The following SORL1 variants were observed in gnomAD, a reference collection of about 807,000 sequenced individuals.
The protein encoded by SORL1 is sortilin-related receptor.
SORL1 carries 127 observed loss-of-function variants against 273.7 expected under a neutral mutation model. The ratio of observed to expected loss-of-function variants is 0.46; its 90% CI spans 0.40 to 0.54. SORL1 has a LOEUF of 0.54. Among genes scored for constraint, SORL1 ranks in the 20% least tolerant of loss-of-function variants. SORL1 has a pLI of 0.00. For synonymous variants in SORL1, 1,031 were observed against 1,067.4 expected, an observed-to-expected ratio of 0.97 and a Z score of 0.66; for missense variants, 2,494 against 2,846.1, an observed-to-expected ratio of 0.88 and a Z score of 2.81.
chr11:121,578,772 C>A (rs1862972495), intron 25 of SORL1, among the ~76,000 whole-genome samples: 1 of 152,216 alleles, frequency 6.6e-6, no homozygotes, highest in Non-Finnish European at 1.5e-5. Flanking sequence ...GTTACCAAAT[C>A]CTGTTCGCTT....
intron 14 of SORL1, 116 bp downstream of exon 14, chr11:121,545,545 C>A: frequency 2.1e-6 from 2 of 933,506 alleles, no homozygotes; most frequent in Non-Finnish European, 3.2e-6. Flanking sequence ...TAGAAGGAAA[C>A]AAGTATTTGT....
chr11:121,618,291 T>C (rs1341256852), intron 41 of SORL1, among the ~76,000 whole-genome samples: 1 of 152,192 alleles, frequency 6.6e-6, no homozygotes, highest in African/African-American at 2.4e-5. Flanking sequence ...GTGTCTGCTC[T>C]CCTTCCCTCC....
intron 6 of SORL1, among the ~76,000 whole-genome samples, chr11:121,503,766 A>C (rs1301074995): frequency 6.6e-6 from 1 of 152,188 alleles, no homozygotes. Context: ...TGCCAGCATC[A>C]CACTGTCTTG....
Position 121,452,557 on chromosome 11 carries a change from C to T in SORL1, c.226C>T (p.Pro76Ser). 1 of 1,510,110 alleles carries T rather than the reference C, an allele frequency of 6.6e-7. No homozygotes were observed. Among genetic ancestry groups the T allele is most frequent in the Non-Finnish European group, 8.8e-7 (1 of 1,136,164 alleles). 93.5% of individuals were successfully genotyped at this position (1,510,110 alleles called of 1,614,324 possible). A position where few individuals can be genotyped will look rare whatever the true frequency, so the allele number is the denominator to read the frequency against. Residue 76 changes from proline to serine, a missense_variant, in exon 1 of 48, where the codon CCG (proline) becomes TCG (serine). By Grantham distance (74) the Pro-to-Ser change is moderately conservative. This residue lies in a region of SORL1 where 175 missense variants were observed against 147.1 expected (regional missense o/e 1.19). Coordinates refer to ENST00000260197, the MANE Select transcript of SORL1 (RefSeq NM_003105.6). The surrounding 1 kb of genome is among the most constrained non-coding windows in gnomAD (Gnocchi z 5.3). Reference protein sequence around the residue: ...ARGASRADEKPLRRKRSAALQ... With the variant: ...ARGASRADEKSLRRKRSAALQ... ...GGGGGCGAGCCGCGCGGACGAGAAGCCGCTCCGGAGGAAACGGAGCGCTGC... is the reference window on the plus strand; with the variant it reads ...GGGGGCGAGCCGCGCGGACGAGAAGTCGCTCCGGAGGAAACGGAGCGCTGC...
chr11:121,610,972 C>T (rs1591352650), intron 38 of SORL1, 104 bp from the exon 39 acceptor site: 1 of 758,210 alleles, frequency 1.3e-6, no homozygotes, highest in African/African-American at 1.7e-5. Context: ...CCTTTCTTCC[C>T]CGACTGAAAG....
chr11:121,478,364 C>G (rs929629001), intron 3 of SORL1, 121 bp downstream of exon 3: 10 of 1,186,796 alleles, frequency 8.4e-6, no homozygotes, highest in Admixed American at 2.7e-5. Flanking sequence ...TGACTGGTGG[C>G]TAGTGAGTTT....
chr11:121,580,289 T>C (rs1862994486), intron 25 of SORL1, among the ~76,000 whole-genome samples: 1 of 152,196 alleles, frequency 6.6e-6, no homozygotes, highest in Non-Finnish European at 1.5e-5. Flanking sequence ...CCTCATTCTG[T>C]TGTTCTCTTC....
chr11:121,497,108 T>G (rs994490933), intron 6 of SORL1, 59 bp downstream of exon 6: 1 of 1,468,488 alleles, frequency 6.8e-7, no homozygotes, highest in Admixed American at 1.7e-5. Flanking sequence ...AAGTTTGGCA[T>G]TCTGTGATTA....
rs530327191 is a variant in SORL1 at position 121,616,273 on chromosome 11, C to T, written c.5604+1218C>T. The stretch of plus-strand genomic sequence containing the variant: ...GGAGGCTTCCTGCACCTCATCTCAG[C>T]TCATGCACTGGTCACACTAAAGGTG... On this transcript the variant is annotated intron_variant, in intron 41 of 47. Coordinates refer to ENST00000260197, the MANE Select transcript of SORL1 (RefSeq NM_003105.6). 3.9e-5 allele frequency among the ~76,000 whole-genome samples: 6 copies of T among 152,316 alleles called. No individual in the cohort carries two copies. The East Asian group carries it at 1.2e-3, about 29-fold the overall frequency.
At chr11:121,484,641 T>C (rs1205261638) in intron 3 of SORL1, among the ~76,000 whole-genome samples, 2 of 152,040 alleles carry the variant, frequency 1.3e-5, no homozygotes, top group Non-Finnish European at 1.5e-5. Flanking sequence ...ACTCAAGTTT[T>C]GCGTATAGTA....
chr11:121,585,443 G>A (rs768021050), intron 26 of SORL1, among the ~76,000 whole-genome samples: 9 of 150,550 alleles, frequency 6.0e-5, no homozygotes, highest in Non-Finnish European at 8.8e-5. Flanking sequence ...TGATCACGCC[G>A]CTGCACTCCA....
At chr11:121,519,412 CT>C (rs537633898) in intron 8 of SORL1, among the ~76,000 whole-genome samples, 182 of 141,998 alleles carry the variant, frequency 1.3e-3, no homozygotes, top group Admixed American at 1.5e-3. Flanking sequence ...TTCTCTCTCT[CT>C]TTTTTTTTTT....
chr11:121,567,246 C>G, intron 22 of SORL1, 133 bp downstream of exon 22: 2 of 767,590 alleles, frequency 2.6e-6, no homozygotes, highest in Non-Finnish European at 4.1e-6. Flanking sequence ...AAAAATCAAA[C>G]CTACCAGATA....
intron 28 of SORL1, 70 bp downstream of exon 28, chr11:121,588,221 G>T: frequency 6.4e-7 from 1 of 1,571,990 alleles, no homozygotes; most frequent in South Asian, 1.1e-5. Context: ...TGGCCACCCT[G>T]GGGTTGTGTC....
chr11:121,625,338 A>G, intron 46 of SORL1, 61 bp downstream of exon 46: 1 of 1,316,918 alleles, frequency 7.6e-7, no homozygotes, highest in Non-Finnish European at 1.1e-6. Context: ...AGAATGTCAT[A>G]TGGTTTCATG....
At chr11:121,604,076 G>T (rs1418768230) in intron 32 of SORL1, 117 bp from the exon 33 acceptor site, 24 of 1,247,364 alleles carry the variant, frequency 1.9e-5, no homozygotes, top group African/African-American at 3.0e-5. Context: ...CATTCCAGAG[G>T]TGTGTTTTGA....
intron 27 of SORL1, 118 bp from the exon 28 acceptor site, chr11:121,587,901 TG>T: frequency 8.5e-7 from 1 of 1,178,026 alleles, no homozygotes. Context: ...CTCAATAAAT[TG>T]TGGCTTTTAC....
intron 22 of SORL1, among the ~76,000 whole-genome samples, chr11:121,568,471 C>T (rs764267888): frequency 1.1e-4 from 16 of 152,308 alleles, no homozygotes; most frequent in Middle Eastern, 3.4e-3. Flanking sequence ...GACCAATCAT[C>T]GCATGTCCTT....
At position 121,488,153 on chromosome 11, in the gene SORL1, A is replaced by G. The variant is rs1339606032; in HGVS notation, c.650A>G (p.Asn217Ser). 15 of 1,613,888 alleles carry G rather than the reference A, an allele frequency of 9.3e-6. No homozygotes were observed. The highest frequency in any genetic ancestry group is 4.0e-5 in the African/African-American group (3 of 74,834). Residue 217 changes from asparagine (N) to serine (S), a missense_variant, in exon 4 of 48, where the codon AAC becomes AGC. Physicochemically the swap from Asn to Ser is conservative, Grantham distance 46. Around this residue, in one of 3 missense-constraint regions of SORL1, gnomAD observed 710 missense variants for 882.5 expected, o/e 0.80. Transcript: ENST00000260197. ...CTCCTCCTACACAGTAAGGCCTCCA[A>G]CCTTCTCTTGGGCTTTGACAGGTCC... The part of the protein sequence containing the change: ...ADLLLHSKAS[N>S]LLLGFDRSHP...
Sources: gnomAD v4.1 joint callset for allele counts (sites outside exome capture counted in the v4.1 genomes callset) on GRCh38, gnomAD v4.1.1 for gene constraint, gnomAD v4.1.1 regional missense constraint, Gnocchi (gnomAD v3.1) non-coding constraint, MANE v1.5 for transcripts, NCBI Gene and HGNC (gene_info 2026-07-23, HGNC 2026-07-21) for gene names.